ING5: variants seen among roughly 807,000 people sequenced by gnomAD.
The protein encoded by ING5 is inhibitor of growth family member 5.
Under a neutral mutation model 37.4 loss-of-function variants are expected in ING5, and 17 were observed. The ratio of observed to expected loss-of-function variants is 0.45; its 90% CI spans 0.31 to 0.68. The LOEUF (loss-of-function observed/expected upper bound fraction) is 0.68, where lower values mean the gene tolerates loss of function less well. Among genes scored for constraint, ING5 ranks in the 30% least tolerant of loss-of-function variants. The pLI is 0.05. For missense variants in ING5, 233 were observed against 311.9 expected, an observed-to-expected ratio of 0.75 and a Z score of 1.91; for synonymous variants, 123 against 116.6, an observed-to-expected ratio of 1.06 and a Z score of -0.36.
chr2:241,713,603 C>G (rs934675077), intron 5 of ING5, among the ~76,000 whole-genome samples: 1 of 150,334 alleles, frequency 6.7e-6, no homozygotes, highest in African/African-American at 2.4e-5. Flanking sequence ...GATCTCCTGA[C>G]CTCGTGATCC....
At chr2:241,703,438 C>G (rs6437282) in intron 1 of ING5, among the ~76,000 whole-genome samples, 96,315 of 151,766 alleles carry the variant, frequency 0.63, 30,769 homozygotes, top group Admixed American at 0.7. Flanking sequence ...AAAGCAGACG[C>G]GAAAGCAGCA....
At chr2:241,696,700 T>C (rs2069634950) in intron 2 of ING5, among the ~76,000 whole-genome samples, 1 of 152,058 alleles carries the variant, frequency 6.6e-6, no homozygotes, top group Non-Finnish European at 1.5e-5. Context: ...CAACAGGTCC[T>C]TTGAACCCAG....
At chr2:241,689,743 G>A (rs2069520291) in intron 1 of ING5, 1 of 152,182 alleles carries the variant, frequency 6.6e-6, no homozygotes, top group Non-Finnish European at 1.5e-5. Flanking sequence ...ACTAAGAATA[G>A]TACTTACTAT....
intron 1 of ING5, among the ~76,000 whole-genome samples, chr2:241,689,167 C>T (rs1223937090): frequency 2.0e-5 from 3 of 151,400 alleles, no homozygotes; most frequent in Non-Finnish European, 2.9e-5. Context: ...GAGTGGAGTG[C>T]AATGGCATGA....
intron 5 of ING5, chr2:241,719,882 A>G: frequency 7.4e-7 from 1 of 1,346,384 alleles, no homozygotes; most frequent in Non-Finnish European, 9.5e-7. Context: ...GTAGTGACAG[A>G]TGAGAAGGGT....
At chr2:241,703,401 G>A (rs904468485) in intron 1 of ING5, among the ~76,000 whole-genome samples, 1 of 152,142 alleles carries the variant, frequency 6.6e-6, no homozygotes, top group Non-Finnish European at 1.5e-5. Flanking sequence ...TGCAGGGGGC[G>A]GAGGTTGGCC....
chr2:241,705,394 CTTTTTTT>C (rs774566608), intron 2 of ING5, among the ~76,000 whole-genome samples: 4 of 117,272 alleles, frequency 3.4e-5, no homozygotes, highest in Non-Finnish European at 5.1e-5. Flanking sequence ...CTGTTTTTTT[CTTTTTTT>C]TTTTTTTTTT....
intron 2 of ING5, among the ~76,000 whole-genome samples, chr2:241,708,057 C>T (rs146839842): frequency 0.031 from 4,767 of 152,138 alleles, 119 homozygotes; most frequent in Middle Eastern, 0.12. Context: ...AACACCATGC[C>T]CAGCTAATTG....
At chr2:241,697,666 A>G (rs953743690), upstream of ING5, among the ~76,000 whole-genome samples, 1 of 91,856 alleles carries the variant, frequency 1.1e-5, no homozygotes, top group Non-Finnish European at 2.3e-5. Flanking sequence ...AGTGGTTGCC[A>G]GGGGCCTCGG....
chr2:241,700,522 C>T, upstream of ING5, among the ~76,000 whole-genome samples: 1 of 151,848 alleles, frequency 6.6e-6, no homozygotes. Context: ...GTGGTGCAAT[C>T]TCGGCTCACT....
At chr2:241,697,257 A>G (rs1298063337), upstream of ING5, among the ~76,000 whole-genome samples, 1 of 151,934 alleles carries the variant, frequency 6.6e-6, no homozygotes, top group Non-Finnish European at 1.5e-5. Context: ...AACACGGTGA[A>G]ACCCCATGTG....
intron 5 of ING5, among the ~76,000 whole-genome samples, chr2:241,715,243 G>A (rs1035502144): frequency 6.6e-6 from 1 of 151,934 alleles, no homozygotes; most frequent in African/African-American, 2.4e-5. Context: ...CACCCAGGCT[G>A]GAGTGTAGTG....
At chr2:241,715,993 A>G (rs1303931923) in intron 5 of ING5, among the ~76,000 whole-genome samples, 1 of 151,804 alleles carries the variant, frequency 6.6e-6, no homozygotes, top group Non-Finnish European at 1.5e-5. Context: ...GGATTTCACC[A>G]TGCTGGGCAG....
At chr2:241,713,105 G>A (rs2070163896) in intron 5 of ING5, among the ~76,000 whole-genome samples, 1 of 148,122 alleles carries the variant, frequency 6.8e-6, no homozygotes, top group South Asian at 2.1e-4. Flanking sequence ...TGCCCAAGCT[G>A]GAGTGCAATG....
At position 241,695,014 on chromosome 2, in the gene ING5, G is replaced by A. The variant is rs930416203; in HGVS notation, c.43+4361G>A. 4.1e-5 allele frequency among the ~76,000 whole-genome samples: 6 copies of A among 144,646 alleles called. No homozygotes were observed. In the East Asian group the frequency reaches 6.3e-4, roughly 15 times the overall value. 94.9% of individuals were successfully genotyped at this position (144,646 alleles called of 152,430 possible). A position where few individuals can be genotyped will look rare whatever the true frequency, so the allele number is the denominator to read the frequency against. On this transcript the variant is annotated intron_variant, in intron 2 of 7. Transcript: ENST00000636051. Reference sequence around the variant, plus strand: ...CAGCCTTGCGACAGAGCAAGACTCCGTCTCAAAAAAAAAGGACTGGTAAGA... The same window carrying A: ...CAGCCTTGCGACAGAGCAAGACTCCATCTCAAAAAAAAAGGACTGGTAAGA...
intron 2 of ING5, among the ~76,000 whole-genome samples, chr2:241,706,746 G>A (rs1160907005): frequency 6.6e-6 from 1 of 152,084 alleles, no homozygotes; most frequent in Admixed American, 6.6e-5. Context: ...AGAATCCTAG[G>A]TTGACAATTG....
At position 241,692,584 on chromosome 2, in the gene ING5, G is replaced by A. The variant is rs1449476521; in HGVS notation, c.43+1931G>A. 2.0e-5 allele frequency among the ~76,000 whole-genome samples: 3 copies of A among 151,982 alleles called. No individual in the cohort carries two copies. In the East Asian group the frequency reaches 5.8e-4, roughly 29 times the overall value. On this transcript the variant is annotated intron_variant, in intron 2 of 7. Transcript: ENST00000636051. ...CCTGAAGCCCTGGGATTGCAGGCAT[G>A]AGCCACCACGCCCAGCCTGAGATTC...
At chr2:241,722,015 A>G in intron 5 of ING5, 1 of 985,380 alleles carries the variant, frequency 1.0e-6, no homozygotes, top group Non-Finnish European at 1.2e-6. Context: ...TGCCAGGTGG[A>G]CAGCTGGGTG....
intron 2 of ING5, 97 bp from the exon 3 acceptor site, chr2:241,709,119 C>G (rs553484548): frequency 7.5e-7 from 1 of 1,338,262 alleles, no homozygotes; most frequent in African/African-American, 1.5e-5. Context: ...TACATCTTTG[C>G]CACAACTTGG....
Sources: gnomAD v4.1 joint callset for allele counts (sites outside exome capture counted in the v4.1 genomes callset) on GRCh38, gnomAD v4.1.1 for gene constraint, MANE v1.5 for transcripts, NCBI Gene and HGNC (gene_info 2026-07-23, HGNC 2026-07-21) for gene names.